WDR72: variants seen among roughly 807,000 people sequenced by gnomAD.
The protein encoded by WDR72 is WD repeat domain 72, also known as WD repeat-containing protein 72.
In WDR72, 120 loss-of-function variants were observed where a neutral mutation model predicts 124.2. That is an observed-to-expected ratio of 0.97 (90% CI 0.83 to 1.12). The LOEUF is 1.12. Ranked by LOEUF, WDR72 falls within the 50% of genes most tolerant of loss-of-function variation. The pLI is 0.00. For synonymous variants in WDR72, 452 were observed against 441.7 expected (o/e 1.02, Z -0.29); for missense variants, 1,387 against 1,278.8 (o/e 1.08, Z -1.29).
At chr15:53,746,970 G>A (rs891555058) in intron 1 of WDR72, among the ~76,000 whole-genome samples, 1 of 152,238 alleles carries the variant, frequency 6.6e-6, no homozygotes, top group African/African-American at 2.4e-5. Context: ...GCAAAGTTGA[G>A]CTTTAGGAAG....
rs995945930 is a variant in WDR72 at position 53,517,235 on chromosome 15, T to C, written c.*464A>G. 1.2e-5 allele frequency: 2 copies of C among 168,982 alleles called. No individual in the cohort carries two copies. The highest frequency in any genetic ancestry group is 4.8e-5 in the African/African-American group (2 of 41,590). 10.5% of individuals were successfully genotyped at this position (168,982 alleles called of 1,614,324 possible). A position where few individuals can be genotyped will look rare whatever the true frequency, so the allele number is the denominator to read the frequency against. On this transcript the variant is annotated 3_prime_UTR_variant, in exon 20 of 20. Coordinates refer to ENST00000360509, the MANE Select transcript of WDR72 (RefSeq NM_182758.4). ...GCATATCCACTAAAACAAAATATCC[T>C]AACCAGACAAATCAAAGTTGGTAAA...
At chr15:53,758,043 C>T (rs2018960459) in intron 1 of WDR72, among the ~76,000 whole-genome samples, 1 of 151,848 alleles carries the variant, frequency 6.6e-6, no homozygotes, top group Non-Finnish European at 1.5e-5. Context: ...TCTCCGTCAC[C>T]TAGCCTGGAG....
intron 18 of WDR72, among the ~76,000 whole-genome samples, chr15:53,541,540 G>A (rs1023393006): frequency 2.6e-5 from 4 of 151,434 alleles, no homozygotes; most frequent in East Asian, 1.9e-4. Context: ...ACAAAGATGG[G>A]GAAAAAACAG....
In WDR72 at chr15:53,705,965, G is replaced by A; in HGVS notation, c.1064C>T (p.Pro355Leu). Residue 355 changes from proline to leucine, a missense_variant, in exon 10 of 20, where the codon CCT (proline) becomes CTT (leucine). Transcript: ENST00000360509. ...ATCAAACTTGGATACAGGAACATCA[G>A]GGATGTGCCACAAAGTAATTCTTCC... Reference protein sequence around the residue: ...VSGRITLWHIPDVPVSKFDGS... With the variant: ...VSGRITLWHILDVPVSKFDGS... 1 of 1,614,064 alleles carries A rather than the reference G, an allele frequency of 6.2e-7. No individual in the cohort carries two copies. Among genetic ancestry groups the A allele is most frequent in the African/African-American group, 1.3e-5 (1 of 75,032 alleles).
chr15:53,758,885 G>A (rs1421406892), intron 1 of WDR72, among the ~76,000 whole-genome samples: 1 of 151,688 alleles, frequency 6.6e-6, no homozygotes, highest in African/African-American at 2.4e-5. Flanking sequence ...TAATAAGTGG[G>A]GAAGATGGTA....
chr15:53,679,445 A>G (rs1213564918), intron 13 of WDR72, among the ~76,000 whole-genome samples: 1 of 152,230 alleles, frequency 6.6e-6, no homozygotes, highest in East Asian at 1.9e-4. Context: ...AACCCAAAGA[A>G]CAATATACAG....
intron 1 of WDR72, among the ~76,000 whole-genome samples, chr15:53,756,024 C>T (rs1224091429): frequency 6.6e-6 from 1 of 152,174 alleles, no homozygotes; most frequent in East Asian, 1.9e-4. Context: ...AAGGATTTCA[C>T]AGGACTCTGT....
At chr15:53,536,011 G>A (rs1892741485) in intron 18 of WDR72, among the ~76,000 whole-genome samples, 3 of 152,118 alleles carry the variant, frequency 2.0e-5, no homozygotes, top group South Asian at 4.1e-4. Context: ...AAGCAACAGC[G>A]CTTGATGAAT....
chr15:53,672,394 G>A (rs1325251297), intron 13 of WDR72, among the ~76,000 whole-genome samples: 1 of 151,314 alleles, frequency 6.6e-6, no homozygotes, highest in East Asian at 1.9e-4. Flanking sequence ...AGCAGTTTCT[G>A]CACAAGAAAG....
chr15:53,721,913 A>G (rs990113579), intron 3 of WDR72, among the ~76,000 whole-genome samples: 1 of 152,172 alleles, frequency 6.6e-6, no homozygotes, highest in Admixed American at 6.5e-5. Flanking sequence ...CATGAGGGCA[A>G]GCTTTGCTCC....
chr15:53,565,969 G>T (rs1463329822), intron 18 of WDR72, among the ~76,000 whole-genome samples: 3 of 151,932 alleles, frequency 2.0e-5, no homozygotes, highest in Admixed American at 2.0e-4. Flanking sequence ...TTAAGAGAAG[G>T]AACGCTCTGA....
rs373149703 is a variant in WDR72, at chr15:53,669,269, C to T, written c.1766-3501G>A. 5.9e-5 allele frequency among the ~76,000 whole-genome samples: 9 copies of T among 152,070 alleles called. No homozygotes were observed. In the East Asian group the frequency reaches 1.5e-3, roughly 26 times the overall value. ...CCTATGGACAGCTTTCTCTGGCACCCGCGAGGGAATATTTCTGGAAAGCTC... is the reference window on the plus strand; with the variant it reads ...CCTATGGACAGCTTTCTCTGGCACCTGCGAGGGAATATTTCTGGAAAGCTC... On this transcript the variant is annotated intron_variant, in intron 13 of 19. Coordinates refer to ENST00000360509, the MANE Select transcript of WDR72 (RefSeq NM_182758.4).
intron 18 of WDR72, among the ~76,000 whole-genome samples, chr15:53,592,485 T>C (rs889686913): frequency 7.2e-5 from 11 of 152,074 alleles, no homozygotes; most frequent in Non-Finnish European, 1.3e-4. Context: ...TTCTGTTGAA[T>C]GGATTTTTAT....
chr15:53,643,619 C>A (rs756936618), intron 14 of WDR72, among the ~76,000 whole-genome samples: 3 of 152,074 alleles, frequency 2.0e-5, no homozygotes, highest in Non-Finnish European at 2.9e-5. Context: ...AAAGCAGCTA[C>A]TGAAGGAGAG....
intron 14 of WDR72, among the ~76,000 whole-genome samples, chr15:53,617,380 A>G (rs1175432016): frequency 6.6e-6 from 1 of 151,712 alleles, no homozygotes; most frequent in Non-Finnish European, 1.5e-5. Flanking sequence ...GGAAGCAGAA[A>G]TTAAAATGAT....
intron 9 of WDR72, among the ~76,000 whole-genome samples, chr15:53,707,837 A>T (rs2017426060): frequency 6.6e-6 from 1 of 152,152 alleles, no homozygotes; most frequent in African/African-American, 2.4e-5. Flanking sequence ...CATTTGGTTA[A>T]ATTGGCTACT....
chr15:53,678,764 T>C lies in WDR72; in HGVS notation c.1766-12996A>G, dbSNP rs567011813. On this transcript the variant is annotated intron_variant, in intron 13 of 19. Transcript: ENST00000360509. The stretch of plus-strand genomic sequence containing the variant: ...AGGTTCTATCCCCCACCTCTCATAA[T>C]GTATAGATCATGGTCTAAAGCATCT... 1.1e-4 allele frequency among the ~76,000 whole-genome samples: 16 copies of C among 152,328 alleles called. No individual in the cohort carries two copies. In the South Asian group the frequency reaches 3.1e-3, roughly 30 times the overall value.
Position 53,665,709 on chromosome 15 carries a change from C to T in WDR72, c.1825G>A (p.Asp609Asn), listed in dbSNP as rs771253413. 3.7e-6 allele frequency: 6 copies of T among 1,613,922 alleles called. No homozygotes were observed. The highest frequency in any genetic ancestry group is 2.7e-5 in the African/African-American group (2 of 75,022). ...RARIILNCCD[D>N]SQLVKSVLPI... The stretch of plus-strand genomic sequence containing the variant: ...AGTACAGACTTCACAAGCTGTGAAT[C>T]ATCACAACAATTAAGAATAATTCGT... Residue 609 changes from aspartate (D) to asparagine (N), a missense_variant, in exon 14 of 20, where the codon GAT becomes AAT. Coordinates refer to ENST00000360509, the MANE Select transcript of WDR72 (RefSeq NM_182758.4).
intron 2 of WDR72, among the ~76,000 whole-genome samples, chr15:53,727,535 C>A (rs141466436): frequency 6.6e-6 from 1 of 152,120 alleles, no homozygotes; most frequent in Non-Finnish European, 1.5e-5. Flanking sequence ...AATTCAAGTT[C>A]GCGCTACCTT....
Sources: gnomAD v4.1 joint callset for allele counts (sites outside exome capture counted in the v4.1 genomes callset) on GRCh38, gnomAD v4.1.1 for gene constraint, MANE v1.5 for transcripts, NCBI Gene and HGNC (gene_info 2026-07-23, HGNC 2026-07-21) for gene names.